WDR33: variants seen among roughly 807,000 people sequenced by gnomAD.
The protein encoded by WDR33 is WD repeat domain 33.
Under a neutral mutation model 164.9 loss-of-function variants are expected in WDR33, and 47 were observed. The observed-to-expected ratio is 0.29, with a 90% CI of 0.23 to 0.36. The LOEUF (loss-of-function observed/expected upper bound fraction) is 0.36. Among genes scored for constraint, WDR33 ranks in the 10% least tolerant of loss-of-function variants. WDR33 has a pLI of 1.00. For missense variants in WDR33, 1,137 were observed against 1,754.1 expected, an observed-to-expected ratio of 0.65 and a Z score of 6.28; for synonymous variants, 505 against 589.0, an observed-to-expected ratio of 0.86 and a Z score of 2.06.
chr2:127,750,708 A>AT (rs1341396894), intron 7 of WDR33, among the ~76,000 whole-genome samples: 1 of 60,978 alleles, frequency 1.6e-5, no homozygotes, highest in Non-Finnish European at 2.9e-5. Context: ...ATATATATAT[A>AT]TATATGTATG....
chr2:127,702,150 G>T lies in WDR33; in HGVS notation c.*4173C>A, dbSNP rs781739540. 65 of 1,214,988 alleles carry T rather than the reference G, an allele frequency of 5.3e-5. No homozygotes were observed. The highest frequency in any genetic ancestry group is 8.7e-5 in the Admixed American group (2 of 22,936). The allele number at this position is 1,214,988 out of a possible 1,614,324, so 75.3% of individuals were successfully genotyped here. ...ACTGGGTCGCCTGGGCCGCGGCGCC[G>T]GCCTCGCCAAGGTGCTGCCCGTGTG... is the stretch of plus-strand genomic sequence containing the variant. On this transcript the variant is annotated 3_prime_UTR_variant, in exon 22 of 22. Coordinates refer to ENST00000322313, the MANE Select transcript of WDR33 (RefSeq NM_018383.5).
rs62621432 is a variant in WDR33 at position 127,764,615 on chromosome 2, T to C, written c.626+213A>G. 6.5e-3 allele frequency: 10,062 copies of C among 1,553,600 alleles called. 57 individuals carry two copies. Among genetic ancestry groups the C allele is most frequent in the Middle Eastern group, 0.015 (92 of 5,994 alleles). ...TGCGGCAGACAGTACATCTCTAACA[T>C]ATTGCAAAGGCTGATACCGGGACAA... On this transcript the variant is annotated intron_variant, in intron 6 of 21. Coordinates refer to ENST00000322313, the MANE Select transcript of WDR33 (RefSeq NM_018383.5). This position sits in a 1 kb window ranked among gnomAD's most constrained non-coding sequence, Gnocchi z 6.2.
intron 1 of WDR33, among the ~76,000 whole-genome samples, chr2:127,799,303 ACT>A (rs1252122475): frequency 1.3e-5 from 2 of 152,170 alleles, no homozygotes; most frequent in Non-Finnish European, 1.5e-5. Context: ...AAATCAAAAC[ACT>A]GTCTTCCTAC....
rs995542550 is a variant in WDR33 at position 127,704,512 on chromosome 2, C to G, written c.*1811G>C. 2.2e-4 allele frequency: 37 copies of G among 166,758 alleles called. No homozygotes were observed. Among genetic ancestry groups the G allele is most frequent in the African/African-American group, 8.7e-4 (36 of 41,300 alleles). 10.3% of individuals were successfully genotyped at this position (166,758 alleles called of 1,614,324 possible). On this transcript the variant is annotated 3_prime_UTR_variant, in exon 22 of 22. Coordinates refer to ENST00000322313, the MANE Select transcript of WDR33 (RefSeq NM_018383.5). ...CAGTTTCTCTCTCTTTAAGCTATAC[C>G]AGTTGGGGGTGAGTGAAGAAATACC...
rs1043754586 is a variant in WDR33, at chr2:127,717,716, G to A, written c.2761-453C>T. On this transcript the variant is annotated intron_variant, in intron 16 of 21. Transcript: ENST00000322313. This position sits in a 1 kb window ranked among gnomAD's most constrained non-coding sequence, Gnocchi z 5.6. ...TCAGATCTTCAGACTCATTCTACCA[G>A]TATTTCTATAGGTCAATTAAAATTT... Among the ~76,000 whole-genome samples, 1 of 152,128 alleles carries A rather than the reference G, an allele frequency of 6.6e-6. No homozygotes were observed. Among genetic ancestry groups the A allele is most frequent in the African/African-American group, 2.4e-5 (1 of 41,420 alleles).
chr2:127,745,268 G>T (rs1215508162), intron 7 of WDR33, among the ~76,000 whole-genome samples: 2 of 152,060 alleles, frequency 1.3e-5, no homozygotes, highest in East Asian at 3.9e-4. Flanking sequence ...CTGTGCTATC[G>T]ATCCTTCCCA....
chr2:127,802,337 G>A (rs1408471338), intron 1 of WDR33, among the ~76,000 whole-genome samples: 2 of 152,144 alleles, frequency 1.3e-5, no homozygotes. Flanking sequence ...AGAGACAGAA[G>A]CAAGACTTAA....
In WDR33 at chr2:127,714,414, T is replaced by C. The variant is rs1396249944; in HGVS notation, c.2870-393A>G. 3.3e-5 allele frequency among the ~76,000 whole-genome samples: 5 copies of C among 152,194 alleles called. No homozygotes were observed. The highest frequency in any genetic ancestry group is 1.2e-4 in the African/African-American group (5 of 41,432). On this transcript the variant is annotated intron_variant, in intron 17 of 21. Coordinates refer to ENST00000322313, the MANE Select transcript of WDR33 (RefSeq NM_018383.5). The surrounding 1 kb of genome is among the most constrained non-coding windows in gnomAD (Gnocchi z 4.3). ...CCAAGGAGGACACAACAGAGGAAAT[T>C]AATGCTGCAGGCCAGGAAGCGTGCC...
intron 7 of WDR33, among the ~76,000 whole-genome samples, chr2:127,734,512 A>G (rs761929868): frequency 6.6e-6 from 1 of 152,242 alleles, no homozygotes; most frequent in Non-Finnish European, 1.5e-5. Flanking sequence ...AATGTACAGC[A>G]AACAGGAAGT....
rs368041268 is a variant in WDR33 at position 127,723,378 on chromosome 2, A to G, written c.1197-31T>C. 6.9e-6 allele frequency: 11 copies of G among 1,589,786 alleles called. No homozygotes were observed. The African/African-American group carries it at 1.1e-4, about 16-fold the overall frequency. On this transcript the variant is annotated intron_variant, in intron 11 of 21. Transcript: ENST00000322313. The surrounding 1 kb of genome is among the most constrained non-coding windows in gnomAD (Gnocchi z 5.9). Reference sequence around the variant, plus strand: ...AAAATAATTAAAGGAGAAAAGAAGCATGGCTTCACTATTTTTTTGGGCACT... The same window carrying G: ...AAAATAATTAAAGGAGAAAAGAAGCGTGGCTTCACTATTTTTTTGGGCACT...
chr2:127,808,451 G>GA (rs1689514531), intron 1 of WDR33, among the ~76,000 whole-genome samples: 1 of 152,134 alleles, frequency 6.6e-6, no homozygotes, highest in East Asian at 1.9e-4. Flanking sequence ...TACAACTTTA[G>GA]AAAGTCAGTC....
chr2:127,752,668 A>T (rs1447616555), intron 7 of WDR33, among the ~76,000 whole-genome samples: 1 of 151,998 alleles, frequency 6.6e-6, no homozygotes, highest in Non-Finnish European at 1.5e-5. Flanking sequence ...ATGAGCTGTG[A>T]AGACTACTCA....
intron 7 of WDR33, among the ~76,000 whole-genome samples, chr2:127,729,809 T>C (rs978894344): frequency 6.6e-6 from 1 of 152,272 alleles, no homozygotes; most frequent in Non-Finnish European, 1.5e-5. Flanking sequence ...ATTCATTTTT[T>C]AGCCTTTACA....
intron 7 of WDR33, among the ~76,000 whole-genome samples, chr2:127,749,092 T>C (rs906819473): frequency 1.1e-4 from 16 of 152,126 alleles, no homozygotes; most frequent in African/African-American, 3.6e-4. Context: ...AATCCAGTAC[T>C]TTGGGAGGCC....
chr2:127,709,455 T>A lies in WDR33; in HGVS notation c.3565+35A>T. The A allele has an allele frequency of 6.2e-7, 1 of 1,606,294 alleles. No homozygotes were observed. The highest frequency in any genetic ancestry group is 8.5e-7 in the Non-Finnish European group (1 of 1,173,178). ...TCAGAACTCACTTTGTGAACTGCAG[T>A]CTAGAGTTACCCAACAAGCGGTTCT... On this transcript the variant is annotated intron_variant, in intron 20 of 21. Coordinates refer to ENST00000322313, the MANE Select transcript of WDR33 (RefSeq NM_018383.5). The surrounding 1 kb of genome is among the most constrained non-coding windows in gnomAD (Gnocchi z 5.0).
intron 1 of WDR33, among the ~76,000 whole-genome samples, chr2:127,805,615 C>T (rs990950520): frequency 2.6e-5 from 4 of 152,012 alleles, no homozygotes; most frequent in South Asian, 2.1e-4. Context: ...GTGCCAGGTC[C>T]GGCCTCAAAG....
In WDR33 at chr2:127,706,549, C is replaced by T. The variant is rs759799035; in HGVS notation, c.3785G>A (p.Arg1262Gln). The T allele has an allele frequency of 5.0e-6, 8 of 1,587,002 alleles. No homozygotes were observed. The highest frequency in any genetic ancestry group is 4.1e-5 in the African/African-American group (3 of 73,048). ...TCTCTGAGCAGGTCCTGGGCCCCCTCGGCCTGAAACAAAGAAAATTTCACA... is the reference window on the plus strand; with the variant it reads ...TCTCTGAGCAGGTCCTGGGCCCCCTTGGCCTGAAACAAAGAAAATTTCACA... ...GPSEDRGGKG[R>Q]GGPGPAQRVP... is the part of the protein sequence containing the mutation. Residue 1262 changes from arginine (R) to glutamine (Q), a missense_variant, in exon 22 of 22, where the codon CGA (arginine) becomes CAA (glutamine). Physicochemically the swap from Arg to Gln is conservative, Grantham distance 43. This residue lies in a region of WDR33 where 867 missense variants were observed against 1,073.0 expected (regional missense o/e 0.81). Transcript: ENST00000322313. The surrounding 1 kb of genome is among the most constrained non-coding windows in gnomAD (Gnocchi z 5.1).
In WDR33 at chr2:127,770,691, CAAAATAAATAAA is replaced by C. The variant is rs984853918; in HGVS notation, c.204+75_204+86del. The C allele has an allele frequency of 6.6e-5, 51 of 767,730 alleles. 2 individuals carry two copies. The African/African-American group carries it at 1.2e-3, about 17-fold the overall frequency. 47.6% of individuals were successfully genotyped at this position (767,730 alleles called of 1,614,324 possible). ...GGGCAACAAGAAAGAAACTCCATCT[CAAAATAAATAAA>C]TAAATAAATAAATAAATAAATAAAT... On this transcript the variant is annotated intron_variant, in intron 2 of 21. Coordinates refer to ENST00000322313, the MANE Select transcript of WDR33 (RefSeq NM_018383.5). This position sits in a 1 kb window ranked among gnomAD's most constrained non-coding sequence, Gnocchi z 4.9.
In WDR33 at chr2:127,701,518, C is replaced by T. The variant is rs1685876250; in HGVS notation, c.*4805G>A. On this transcript the variant is annotated 3_prime_UTR_variant, in exon 22 of 22. Transcript: ENST00000322313. ...CCGCAGCTTTTCCTTTCTGCCACCG[C>T]CTTGTCCAAGATGGCGGACCTCCAC... The T allele has an allele frequency of 4.6e-6, 6 of 1,304,464 alleles. No individual in the cohort carries two copies. Among genetic ancestry groups the T allele is most frequent in the South Asian group, 4.7e-5 (2 of 42,158 alleles). 80.8% of individuals were successfully genotyped at this position (1,304,464 alleles called of 1,614,324 possible).
Sources: gnomAD v4.1 joint callset for allele counts (sites outside exome capture counted in the v4.1 genomes callset) on GRCh38, gnomAD v4.1.1 for gene constraint, gnomAD v4.1.1 regional missense constraint, Gnocchi (gnomAD v3.1) non-coding constraint, MANE v1.5 for transcripts, NCBI Gene and HGNC (gene_info 2026-07-23, HGNC 2026-07-21) for gene names.